Variants in COBL observed in about 807,000 individuals in gnomAD.
COBL encodes the protein protein cordon-bleu.
COBL carries 51 observed loss-of-function variants against 98.8 expected under a neutral mutation model. The ratio of observed to expected loss-of-function variants is 0.52; its 90% CI spans 0.41 to 0.65. The LOEUF (loss-of-function observed/expected upper bound fraction) is 0.65, where lower values mean the gene tolerates loss of function less well. Ranked by LOEUF, COBL falls within the 30% of genes least tolerant of loss-of-function variation. The probability of loss-of-function intolerance (pLI) is 0.00; values close to 1 mark genes in which losing one functional copy is unlikely to be tolerated. For missense variants in COBL, 1,617 were observed against 1,617.5 expected, an observed-to-expected ratio of 1.00 and a Z score of 0.01; for synonymous variants, 634 against 651.7, an observed-to-expected ratio of 0.97 and a Z score of 0.41.
At chr7:51,232,695 C>A (rs1258013181) in intron 1 of COBL, among the ~76,000 whole-genome samples, 1 of 152,046 alleles carries the variant, frequency 6.6e-6, no homozygotes, top group East Asian at 1.9e-4. Flanking sequence ...TCTGTAGTCC[C>A]AGACACTTGG....
chr7:51,156,411 C>T, intron 5 of COBL: 1 of 985,314 alleles, frequency 1.0e-6, no homozygotes, highest in Non-Finnish European at 1.2e-6. Flanking sequence ...CGAAGTGTCT[C>T]TTCTGAAGGA....
At chr7:51,274,394 C>T (rs1229269749) in intron 1 of COBL, among the ~76,000 whole-genome samples, 1 of 152,236 alleles carries the variant, frequency 6.6e-6, no homozygotes, top group Non-Finnish European at 1.5e-5. Flanking sequence ...TCTAGGTGAG[C>T]TCCCCTTCAT....
intron 1 of COBL, among the ~76,000 whole-genome samples, chr7:51,282,055 A>T (rs958333936): frequency 6.6e-6 from 1 of 152,122 alleles, no homozygotes; most frequent in Non-Finnish European, 1.5e-5. Flanking sequence ...ATATACTAAA[A>T]ATCCCAGTAG....
intron 1 of COBL, 101 bp downstream of exon 1, chr7:51,316,492 C>G: frequency 1.2e-6 from 1 of 862,124 alleles, no homozygotes; most frequent in Non-Finnish European, 1.5e-6. Context: ...CCCGCTGGGG[C>G]GGCAGAGAGG....
chr7:51,215,462 T>C (rs1424171029), intron 2 of COBL, among the ~76,000 whole-genome samples: 4 of 152,142 alleles, frequency 2.6e-5, no homozygotes, highest in Non-Finnish European at 4.4e-5. Flanking sequence ...AAGGCGGGCA[T>C]TAGAAATGAT....
intron 5 of COBL, among the ~76,000 whole-genome samples, chr7:51,151,908 C>T (rs577907197): frequency 1.3e-5 from 2 of 152,354 alleles, no homozygotes; most frequent in East Asian, 3.9e-4. Flanking sequence ...TCACCAATGG[C>T]CAGCACCCTC....
chr7:51,125,802 G>C (rs749327659), intron 6 of COBL, among the ~76,000 whole-genome samples: 1 of 152,126 alleles, frequency 6.6e-6, no homozygotes, highest in South Asian at 2.1e-4. Flanking sequence ...AATGTTTTCA[G>C]AACATCCGCG....
rs1217952763 is a variant in COBL, at chr7:51,058,224, T to A, written c.1097-14532A>T. Reference sequence around the variant, plus strand: ...TGTATGCACTTTGTACTCAACAGATTAAAGACACATTTTTCTCCATCTTTT... The same window carrying A: ...TGTATGCACTTTGTACTCAACAGATAAAAGACACATTTTTCTCCATCTTTT... On this transcript the variant is annotated intron_variant, in intron 7 of 12. Coordinates refer to ENST00000265136, the MANE Select transcript of COBL (RefSeq NM_015198.5). 4.6e-5 allele frequency among the ~76,000 whole-genome samples: 7 copies of A among 152,254 alleles called. No homozygotes were observed. In the East Asian group the frequency reaches 1.4e-3, roughly 29 times the overall value.
chr7:51,168,322 G>C (rs144541448), intron 5 of COBL, among the ~76,000 whole-genome samples: 1,799 of 152,158 alleles, frequency 0.012, 36 homozygotes, highest in African/African-American at 0.041. Flanking sequence ...TGTAGTCCCA[G>C]CTACTTGAGA....
chr7:51,025,453 G>C, intron 11 of COBL, 81 bp from the exon 12 acceptor site: 2 of 1,440,974 alleles, frequency 1.4e-6, no homozygotes, highest in South Asian at 2.5e-5. Flanking sequence ...GCCCAAGGTA[G>C]TGGCATGAGG....
chr7:51,027,307 C>T (rs934674132), intron 10 of COBL, among the ~76,000 whole-genome samples: 1 of 152,240 alleles, frequency 6.6e-6, no homozygotes, highest in African/African-American at 2.4e-5. Flanking sequence ...AATGACAGTT[C>T]GCTGCTGCTA....
At chr7:51,163,796 C>A (rs1009783609) in intron 5 of COBL, among the ~76,000 whole-genome samples, 1 of 152,186 alleles carries the variant, frequency 6.6e-6, no homozygotes, top group African/African-American at 2.4e-5. Flanking sequence ...AATAATGCCA[C>A]AATAAACAGC....
intron 5 of COBL, among the ~76,000 whole-genome samples, chr7:51,183,394 T>C (rs1350182366): frequency 6.6e-6 from 1 of 152,184 alleles, no homozygotes; most frequent in Non-Finnish European, 1.5e-5. Flanking sequence ...CAAATATAAA[T>C]ACGGATAATG....
intron 1 of COBL, among the ~76,000 whole-genome samples, chr7:51,286,452 A>G (rs955175365): frequency 4.6e-5 from 7 of 152,140 alleles, no homozygotes; most frequent in African/African-American, 1.4e-4. Context: ...GGCAAAGGAC[A>G]TGAACAGATA....
intron 1 of COBL, among the ~76,000 whole-genome samples, chr7:51,238,547 G>A (rs765765761): frequency 4.6e-5 from 7 of 152,188 alleles, no homozygotes; most frequent in Admixed American, 1.3e-4. Context: ...AGAGGCCTCC[G>A]AACCAGAGCA....
chr7:51,065,146 A>G, intron 7 of COBL: 1 of 700,950 alleles, frequency 1.4e-6, no homozygotes, highest in South Asian at 1.5e-5. Flanking sequence ...TTAGCTGATT[A>G]GGGATTGTCT....
In COBL at chr7:51,063,206, C is replaced by T. The variant is rs536345917; in HGVS notation, c.1097-19514G>A. Among the ~76,000 whole-genome samples the T allele has an allele frequency of 3.5e-3, 528 of 151,182 alleles. 2 individuals carry two copies. The highest frequency in any genetic ancestry group is 0.012 in the African/African-American group (481 of 41,114). On this transcript the variant is annotated intron_variant, in intron 7 of 12. Coordinates refer to ENST00000265136, the MANE Select transcript of COBL (RefSeq NM_015198.5). Reference sequence around the variant, plus strand: ...CTGGAGTACAATGGCGTGATCTTGGCGCACTGCAACCTCCACCTCCCGGGT... The same window carrying T: ...CTGGAGTACAATGGCGTGATCTTGGTGCACTGCAACCTCCACCTCCCGGGT...
intron 5 of COBL, among the ~76,000 whole-genome samples, chr7:51,167,879 G>A (rs918599361): frequency 5.3e-5 from 8 of 152,102 alleles, no homozygotes; most frequent in Non-Finnish European, 1.0e-4. Context: ...AATAAAACTA[G>A]ACTCCTACCT....
intron 1 of COBL, among the ~76,000 whole-genome samples, chr7:51,236,713 G>A (rs1467194818): frequency 1.3e-5 from 2 of 152,246 alleles, no homozygotes; most frequent in Admixed American, 1.3e-4. Context: ...TTCCTCACCT[G>A]TAAAGGGGAA....
Sources: gnomAD v4.1 joint callset for allele counts (sites outside exome capture counted in the v4.1 genomes callset) on GRCh38, gnomAD v4.1.1 for gene constraint, MANE v1.5 for transcripts, NCBI Gene and HGNC (gene_info 2026-07-23, HGNC 2026-07-21) for gene names.